Variants in NXN observed in about 807,000 individuals in gnomAD.
NXN encodes nucleoredoxin, also known as nucleoredoxin 1.
NXN carries 16 observed loss-of-function variants against 48.6 expected under a neutral mutation model. The ratio of observed to expected loss-of-function variants is 0.33; its 90% CI spans 0.22 to 0.50. The LOEUF is 0.50. Among genes scored for constraint, NXN ranks in the 20% least tolerant of loss-of-function variants. The pLI is 0.98. For synonymous variants in NXN, 281 were observed against 269.6 expected (o/e 1.04, Z -0.41); for missense variants, 492 against 605.5 (o/e 0.81, Z 1.97).
chr17:822,178 C>CCT (rs1177297574), intron 4 of NXN, among the ~76,000 whole-genome samples, 179 bp downstream of exon 4: 1 of 151,930 alleles, frequency 6.6e-6, no homozygotes, highest in Non-Finnish European at 1.5e-5. Flanking sequence ...ACTCAGGAGG[C>CCT]TAAGGCAGGA....
chr17:832,240 C>T lies in NXN; in HGVS notation c.361-6162G>A, dbSNP rs900151089. On this transcript the variant is annotated intron_variant, in intron 1 of 7. Transcript: ENST00000336868. The stretch of plus-strand genomic sequence containing the variant: ...TCACCCAGGCTGGAGTGCAGTGGCG[C>T]GATCTCGGCTCACTGCAAGCTCCGC... Among the ~76,000 whole-genome samples, 22 of 151,968 alleles carry T rather than the reference C, an allele frequency of 1.4e-4. No individual in the cohort carries two copies. The East Asian group carries it at 3.9e-3, about 27-fold the overall frequency.
intron 1 of NXN, among the ~76,000 whole-genome samples, chr17:886,377 A>C (rs1409800573): frequency 6.6e-6 from 1 of 152,176 alleles, no homozygotes; most frequent in African/African-American, 2.4e-5. Flanking sequence ...GCCAGAGGGA[A>C]TATTTATTCC....
chr17:893,499 C>A (rs2068445798), intron 1 of NXN, among the ~76,000 whole-genome samples: 1 of 152,222 alleles, frequency 6.6e-6, no homozygotes, highest in Non-Finnish European at 1.5e-5. Context: ...GGAAAGAAGC[C>A]TTGGCCTTCA....
intron 1 of NXN, among the ~76,000 whole-genome samples, chr17:911,851 G>A (rs985038986): frequency 8.0e-5 from 12 of 150,714 alleles, no homozygotes; most frequent in African/African-American, 2.7e-4. Context: ...AACATTTCAC[G>A]TGAGTCTTTC....
intron 1 of NXN, among the ~76,000 whole-genome samples, chr17:876,627 C>G (rs2068218880): frequency 6.6e-6 from 1 of 152,220 alleles, no homozygotes; most frequent in South Asian, 2.1e-4. Flanking sequence ...CTCAACAGCG[C>G]TGTTAGTGTC....
chr17:976,853 G>A (rs951032968), intron 1 of NXN, among the ~76,000 whole-genome samples: 2 of 149,598 alleles, frequency 1.3e-5, no homozygotes, highest in African/African-American at 2.5e-5. Context: ...CGCAACCTCC[G>A]CCTCCCAGGT....
At position 919,133 on chromosome 17, in the gene NXN, T is replaced by C. The variant is rs141492375; in HGVS notation, c.360+60186A>G. ...CTGTAATCCCAGCACTTTGGGAGGC[T>C]GAGGGTGGATCACGAGGTCAGGAGA... is the stretch of plus-strand genomic sequence containing the variant. On this transcript the variant is annotated intron_variant, in intron 1 of 7. Coordinates refer to ENST00000336868, the MANE Select transcript of NXN (RefSeq NM_022463.5). The surrounding 1 kb of genome is among the most constrained non-coding windows in gnomAD (Gnocchi z 5.1). 0.03 allele frequency among the ~76,000 whole-genome samples: 4,634 copies of C among 152,010 alleles called. 251 individuals are homozygous for C. The highest frequency in any genetic ancestry group is 0.11 in the African/African-American group (4,374 of 41,416).
chr17:903,061 C>T (rs987710940), intron 1 of NXN, among the ~76,000 whole-genome samples: 5 of 151,916 alleles, frequency 3.3e-5, no homozygotes, highest in African/African-American at 9.7e-5. Context: ...TGAGCCACCG[C>T]ACCCAGCCTC....
intron 1 of NXN, among the ~76,000 whole-genome samples, chr17:965,959 A>T (rs944242838): frequency 7.2e-5 from 11 of 151,926 alleles, no homozygotes; most frequent in Non-Finnish European, 1.5e-4. Context: ...TACTAAAAAT[A>T]CAAACAATTA....
rs201014149 is a variant in NXN, at chr17:915,567, A to G, written c.360+63752T>C. 3.3e-5 allele frequency among the ~76,000 whole-genome samples: 5 copies of G among 152,114 alleles called. No individual in the cohort carries two copies. The East Asian group carries it at 9.6e-4, about 29-fold the overall frequency. On this transcript the variant is annotated intron_variant, in intron 1 of 7. Transcript: ENST00000336868. Reference sequence around the variant, plus strand: ...CCCAAAGTGCTGGGATTACAGATATAAGACACCACACCTGGACTCTAGGAA... The same window carrying G: ...CCCAAAGTGCTGGGATTACAGATATGAGACACCACACCTGGACTCTAGGAA...
At position 935,120 on chromosome 17, in the gene NXN, T is replaced by C. The variant is rs148840475; in HGVS notation, c.360+44199A>G. On this transcript the variant is annotated intron_variant, in intron 1 of 7. Transcript: ENST00000336868. ...GATTCTCCTGCCTCAGCCTCCTGAG[T>C]AGCTGGGATCACAGGTGCATGCACT... Among the ~76,000 whole-genome samples, 730 of 151,882 alleles carry C rather than the reference T, an allele frequency of 4.8e-3. 7 individuals are homozygous for C. Among genetic ancestry groups the C allele is most frequent in the East Asian group, 0.028 (142 of 5,096 alleles).
Position 926,068 on chromosome 17 carries a change from A to G in NXN, c.360+53251T>C, listed in dbSNP as rs537980612. ...AGCAGCTGGGCTGCAATGCAAATCTATGTCTTAGCAGAATTATGACCTGTC... is the reference window on the plus strand; with the variant it reads ...AGCAGCTGGGCTGCAATGCAAATCTGTGTCTTAGCAGAATTATGACCTGTC... On this transcript the variant is annotated intron_variant, in intron 1 of 7. Transcript: ENST00000336868. Among the ~76,000 whole-genome samples, 176 of 152,316 alleles carry G rather than the reference A, an allele frequency of 1.2e-3. 2 individuals are homozygous for G. The highest frequency in any genetic ancestry group is 1.3e-3 in the Non-Finnish European group (86 of 68,028).
chr17:819,252 T>C (rs867263481), intron 5 of NXN, 187 bp downstream of exon 5: 1 of 628,786 alleles, frequency 1.6e-6, no homozygotes, highest in South Asian at 1.8e-5. Flanking sequence ...GGCCTGACAA[T>C]ACTTATTTTT....
chr17:866,277 G>A lies in NXN; in HGVS notation c.361-40199C>T, dbSNP rs191365920. On this transcript the variant is annotated intron_variant, in intron 1 of 7. Transcript: ENST00000336868. Reference sequence around the variant, plus strand: ...GTATAAATGCACAGAAGATATTTCAGAAGGATGTATATAAGAAACTTAAGG... The same window carrying A: ...GTATAAATGCACAGAAGATATTTCAAAAGGATGTATATAAGAAACTTAAGG... Among the ~76,000 whole-genome samples the A allele has an allele frequency of 1.6e-3, 240 of 152,154 alleles. 1 individual carries two copies. The highest frequency in any genetic ancestry group is 5.2e-3 in the African/African-American group (216 of 41,538).
In NXN at chr17:822,276, T is replaced by C. The variant is rs560053397; in HGVS notation, c.713+81A>G. ...CCTGGGAGACAAGAGCAAGACTCTG[T>C]CTCAGAAAAAAAAGAAAAGAAAAAA... On this transcript the variant is annotated intron_variant, in intron 4 of 7. Transcript: ENST00000336868. The C allele has an allele frequency of 7.0e-6, 7 of 998,558 alleles. No homozygotes were observed. The African/African-American group carries it at 8.0e-5, about 11-fold the overall frequency. 61.9% of individuals were successfully genotyped at this position (998,558 alleles called of 1,614,324 possible). A position where few individuals can be genotyped will look rare whatever the true frequency, so the allele number is the denominator to read the frequency against.
At chr17:918,755 C>G (rs55758827) in intron 1 of NXN, among the ~76,000 whole-genome samples, 9 of 138,616 alleles carry the variant, frequency 6.5e-5, no homozygotes, top group Non-Finnish European at 1.4e-4. Flanking sequence ...ATCGCGCCAC[C>G]GCACTCCAGC....
intron 1 of NXN, among the ~76,000 whole-genome samples, chr17:931,928 G>A (rs984208829): frequency 1.3e-5 from 2 of 151,834 alleles, no homozygotes; most frequent in African/African-American, 2.4e-5. Flanking sequence ...GGGATCACTC[G>A]AGGCCAGTAG....
At chr17:927,001 T>C (rs2068806595) in intron 1 of NXN, among the ~76,000 whole-genome samples, 2 of 151,404 alleles carry the variant, frequency 1.3e-5, no homozygotes, top group African/African-American at 2.4e-5. Flanking sequence ...GGAAGGAGTA[T>C]AGAAAAGGGA....
At chr17:948,708 C>T (rs7211432) in intron 1 of NXN, among the ~76,000 whole-genome samples, 3,291 of 151,936 alleles carry the variant, frequency 0.022, 110 homozygotes, top group African/African-American at 0.064. Flanking sequence ...GGCCTCACCC[C>T]GGCCCGTCCC....
Sources: gnomAD v4.1 joint callset for allele counts (sites outside exome capture counted in the v4.1 genomes callset) on GRCh38, gnomAD v4.1.1 for gene constraint, Gnocchi (gnomAD v3.1) non-coding constraint, MANE v1.5 for transcripts, NCBI Gene and HGNC (gene_info 2026-07-23, HGNC 2026-07-21) for gene names.